NR3C2: variants seen among roughly 807,000 people sequenced by gnomAD.
NR3C2 encodes the protein nuclear receptor subfamily 3 group C member 2, also known as mineralocorticoid receptor.
Under a neutral mutation model 86.4 loss-of-function variants are expected in NR3C2, and 15 were observed. The observed-to-expected ratio is 0.17, with a 90% CI of 0.12 to 0.27. The LOEUF (loss-of-function observed/expected upper bound fraction) is 0.27. Among genes scored for constraint, NR3C2 ranks in the 10% least tolerant of loss-of-function variants. The pLI is 1.00. For missense variants in NR3C2, 960 were observed against 1,195.6 expected (o/e 0.80, Z 2.91); for synonymous variants, 458 against 450.5 (o/e 1.02, Z -0.21).
At chr4:148,186,012 C>G (rs913688458) in intron 4 of NR3C2, among the ~76,000 whole-genome samples, 1 of 152,066 alleles carries the variant, frequency 6.6e-6, no homozygotes, top group African/African-American at 2.4e-5. Flanking sequence ...AAGGCATGTG[C>G]CTTTTAACAT....
upstream of NR3C2, chr4:148,442,704 C>T (rs1180477182): frequency 4.0e-5 from 39 of 985,290 alleles, no homozygotes; most frequent in Non-Finnish European, 4.3e-5. Flanking sequence ...GCGACACAGC[C>T]TGGACTCGGC....
chr4:148,441,132 C>A (rs1358432978), intron 1 of NR3C2, among the ~76,000 whole-genome samples: 1 of 152,200 alleles, frequency 6.6e-6, no homozygotes, highest in African/African-American at 2.4e-5. Flanking sequence ...GAACTGAGCA[C>A]ACCTGATTTC....
At chr4:148,236,862 CAAA>C (rs1363696777) in intron 3 of NR3C2, among the ~76,000 whole-genome samples, 1 of 152,218 alleles carries the variant, frequency 6.6e-6, no homozygotes, top group African/African-American at 2.4e-5. Context: ...CACATCGATG[CAAA>C]AACACTTAAG....
intron 2 of NR3C2, among the ~76,000 whole-genome samples, chr4:148,295,687 T>A (rs1477547258): frequency 6.6e-6 from 1 of 151,532 alleles, no homozygotes; most frequent in Admixed American, 6.6e-5. Context: ...TGTAACTTTG[T>A]CTAACACATG....
chr4:148,266,561 G>A (rs1242640269), intron 2 of NR3C2, among the ~76,000 whole-genome samples: 2 of 152,220 alleles, frequency 1.3e-5, no homozygotes, highest in African/African-American at 4.8e-5. Flanking sequence ...TGCAGGATGT[G>A]AGGTCCAAGA....
At chr4:148,304,679 G>A (rs968868603) in intron 2 of NR3C2, among the ~76,000 whole-genome samples, 3 of 152,050 alleles carry the variant, frequency 2.0e-5, no homozygotes, top group Admixed American at 1.3e-4. Context: ...TACTTTAGAG[G>A]GGGGAATGAT....
intron 8 of NR3C2, among the ~76,000 whole-genome samples, chr4:148,107,731 C>A (rs956929033): frequency 6.6e-6 from 1 of 152,150 alleles, no homozygotes; most frequent in Non-Finnish European, 1.5e-5. Flanking sequence ...TCATTCTCAG[C>A]AAACTAATAC....
chr4:148,194,990 C>T (rs1208696318), intron 3 of NR3C2, 128 bp from the exon 4 acceptor site: 11 of 736,084 alleles, frequency 1.5e-5, no homozygotes, highest in Middle Eastern at 7.6e-4. Flanking sequence ...AGTAAAAGTA[C>T]ATGATTTGTG....
intron 6 of NR3C2, among the ~76,000 whole-genome samples, chr4:148,145,647 A>G (rs1733832238): frequency 6.6e-6 from 1 of 152,192 alleles, no homozygotes; most frequent in Non-Finnish European, 1.5e-5. Context: ...GGCCACAGTG[A>G]GACCGGCAGC....
intron 8 of NR3C2, among the ~76,000 whole-genome samples, chr4:148,101,272 G>T (rs1731523905): frequency 6.6e-6 from 1 of 152,216 alleles, no homozygotes; most frequent in Admixed American, 6.5e-5. Flanking sequence ...TTGCCTGGCT[G>T]TTGACCAACT....
At chr4:148,088,133 G>C (rs182547447) in intron 8 of NR3C2, among the ~76,000 whole-genome samples, 4 of 152,346 alleles carry the variant, frequency 2.6e-5, no homozygotes, top group Admixed American at 2.0e-4. Flanking sequence ...CTGGTCATTA[G>C]AGAAATGCAA....
upstream of NR3C2, chr4:148,442,469 G>A (rs1022575826): frequency 1.0e-5 from 2 of 192,032 alleles, no homozygotes; most frequent in African/African-American, 2.4e-5. Flanking sequence ...AGGGAGAGAG[G>A]GCGGGCGAAA....
chr4:148,186,986 G>GTA (rs1735928559), intron 4 of NR3C2, among the ~76,000 whole-genome samples: 5 of 101,324 alleles, frequency 4.9e-5, no homozygotes, highest in Non-Finnish European at 1.1e-4. Context: ...ATACTGATGT[G>GTA]TGTATGTATG....
At chr4:148,349,879 G>C (rs1420295191) in intron 2 of NR3C2, among the ~76,000 whole-genome samples, 2 of 151,924 alleles carry the variant, frequency 1.3e-5, no homozygotes, top group Admixed American at 6.6e-5. Context: ...CCGCTCCCAA[G>C]GTAATGTTAT....
intron 4 of NR3C2, among the ~76,000 whole-genome samples, chr4:148,169,579 C>G (rs1369334538): frequency 1.3e-5 from 2 of 151,716 alleles, no homozygotes; most frequent in Non-Finnish European, 2.9e-5. Context: ...CTTTAATTTA[C>G]TTACTTCCCA....
chr4:148,331,347 G>A (rs567153914), intron 2 of NR3C2, among the ~76,000 whole-genome samples: 2 of 152,300 alleles, frequency 1.3e-5, no homozygotes, highest in South Asian at 4.1e-4. Flanking sequence ...CAGAGCAAGA[G>A]TTTAGGAAAA....
At chr4:148,399,049 T>C (rs534692965) in intron 2 of NR3C2, among the ~76,000 whole-genome samples, 1 of 152,240 alleles carries the variant, frequency 6.6e-6, no homozygotes, top group African/African-American at 2.4e-5. Flanking sequence ...CAAGACTCTT[T>C]GTAAACTATG....
intron 4 of NR3C2, among the ~76,000 whole-genome samples, chr4:148,173,578 T>C (rs1024199843): frequency 1.1e-4 from 16 of 152,346 alleles, no homozygotes; most frequent in Admixed American, 2.6e-4. Context: ...TGTTGACACA[T>C]TGAGTTTAGC....
intron 2 of NR3C2, among the ~76,000 whole-genome samples, chr4:148,288,752 T>C (rs1741653510): frequency 6.6e-6 from 1 of 152,146 alleles, no homozygotes; most frequent in Non-Finnish European, 1.5e-5. Context: ...GGAAGGTGGC[T>C]GGGAGTAGGG....
Sources: allele counts gnomAD v4.1 joint callset (sites outside exome capture counted in the v4.1 genomes callset), GRCh38; gene constraint gnomAD v4.1.1; transcripts MANE v1.5; gene names NCBI Gene and HGNC (gene_info 2026-07-23, HGNC 2026-07-21).